TRAP1: variants seen among roughly 807,000 people sequenced by gnomAD.
TRAP1 encodes the protein heat shock protein 75 kDa, mitochondrial.
TRAP1 carries 102 observed loss-of-function variants against 89.1 expected under a neutral mutation model. The ratio of observed to expected loss-of-function variants is 1.15; its 90% confidence interval spans 0.98 to 1.35. The LOEUF is 1.35. TRAP1 is among the 40% of genes most tolerant of loss of function. TRAP1 has a pLI of 0.00. For missense variants in TRAP1, 1,256 were observed against 945.3 expected (o/e 1.33, Z -4.31); for synonymous variants, 508 against 388.0 (o/e 1.31, Z -3.64).
At chr16:3,683,052 C>T (rs1188068647) in intron 4 of TRAP1, among the ~76,000 whole-genome samples, 1 of 151,906 alleles carries the variant, frequency 6.6e-6, no homozygotes, top group African/African-American at 2.4e-5. Context: ...CCTGTAATCC[C>T]AGCTACTCGA....
At position 3,664,464 on chromosome 16, in the gene TRAP1, A is replaced by T; in HGVS notation, c.1384-5T>A. ...CAGCAGCTTTGCTATGTCCTCCTAG[A>T]AGGGACGGGGCAGGTCACCACTTAT... On this transcript the variant is annotated splice_polypyrimidine_tract_variant and splice_region_variant and intron_variant, in intron 12 of 17. Coordinates refer to ENST00000246957, the MANE Select transcript of TRAP1 (RefSeq NM_016292.3). The T allele has an allele frequency of 6.2e-7, 1 of 1,607,446 alleles. No individual in the cohort carries two copies. The highest frequency in any genetic ancestry group is 1.7e-5 in the Admixed American group (1 of 58,706).
intron 1 of TRAP1, among the ~76,000 whole-genome samples, chr16:3,699,137 A>C (rs2051330840): frequency 6.6e-6 from 1 of 151,636 alleles, no homozygotes; most frequent in Admixed American, 6.6e-5. Context: ...TCCACCCCCC[A>C]CATCCCTACC....
At chr16:3,680,591 C>T (rs150239995) in intron 4 of TRAP1, among the ~76,000 whole-genome samples, 1 of 152,252 alleles carries the variant, frequency 6.6e-6, no homozygotes, top group Non-Finnish European at 1.5e-5. Context: ...GCCTCTCCTG[C>T]GGGAAGGCAG....
intron 10 of TRAP1, among the ~76,000 whole-genome samples, chr16:3,672,258 G>A (rs2050924044): frequency 6.6e-6 from 1 of 152,108 alleles, no homozygotes; most frequent in African/African-American, 2.4e-5. Flanking sequence ...ATCACTTAAG[G>A]AGGTTGCAGT....
intron 2 of TRAP1, 66 bp from the exon 3 acceptor site, chr16:3,689,203 G>A (rs1004314463): frequency 2.0e-5 from 25 of 1,263,808 alleles, no homozygotes; most frequent in East Asian, 7.2e-5. Flanking sequence ...AATACGCTAC[G>A]TCACATTCCA....
chr16:3,707,990 G>A (rs1440547311), intron 1 of TRAP1, among the ~76,000 whole-genome samples: 1 of 152,026 alleles, frequency 6.6e-6, no homozygotes, highest in African/African-American at 2.4e-5. Context: ...TTCAAGACAA[G>A]CCGGGGCAAT....
chr16:3,702,958 C>G (rs954005620), intron 1 of TRAP1, among the ~76,000 whole-genome samples: 1 of 145,274 alleles, frequency 6.9e-6, no homozygotes, highest in African/African-American at 2.6e-5. Flanking sequence ...AGGAGAATCG[C>G]TTGAACCCAG....
At chr16:3,662,528 C>G (rs116535324) in intron 15 of TRAP1, 99 of 531,846 alleles carry the variant, frequency 1.9e-4, no homozygotes, top group African/African-American at 1.6e-3. Flanking sequence ...ACCCAAAACC[C>G]CCGACTAAGC....
chr16:3,667,211 G>A (rs79452396), intron 11 of TRAP1, among the ~76,000 whole-genome samples: 218 of 152,296 alleles, frequency 1.4e-3, no homozygotes, highest in Non-Finnish European at 2.6e-3. Context: ...GGCTGGGGGC[G>A]TGACCAGCCC....
rs564047678 is a variant in TRAP1 at position 3,677,922 on chromosome 16, G to A, written c.544-264C>T. 1.2e-5 allele frequency: 5 copies of A among 420,918 alleles called. No homozygotes were observed. In the South Asian group the frequency reaches 1.4e-4, roughly 12 times the overall value. 26.1% of individuals were successfully genotyped at this position (420,918 alleles called of 1,614,324 possible). On this transcript the variant is annotated intron_variant, in intron 5 of 17. Coordinates refer to ENST00000246957, the MANE Select transcript of TRAP1 (RefSeq NM_016292.3). ...TCACAGTCCTGCCTGTCCCAGACAG[G>A]TGGAGGCCTGTGGGTCACACCTGGG...
intron 5 of TRAP1, among the ~76,000 whole-genome samples, chr16:3,679,330 A>G (rs571907348): frequency 6.6e-6 from 1 of 152,276 alleles, no homozygotes; most frequent in Admixed American, 6.5e-5. Flanking sequence ...AAAAAACAAC[A>G]CAATGATAAA....
intron 1 of TRAP1, among the ~76,000 whole-genome samples, chr16:3,703,823 G>A (rs559563609): frequency 2.0e-5 from 3 of 151,046 alleles, no homozygotes; most frequent in Admixed American, 6.6e-5. Flanking sequence ...AGATCATCCT[G>A]GCTAACACGG....
intron 1 of TRAP1, among the ~76,000 whole-genome samples, chr16:3,707,565 G>A (rs1055119328): frequency 6.6e-6 from 1 of 151,380 alleles, no homozygotes; most frequent in African/African-American, 2.4e-5. Flanking sequence ...TAAGTCAAAA[G>A]ACAAACACCC....
intron 1 of TRAP1, among the ~76,000 whole-genome samples, chr16:3,696,835 T>A (rs557772234): frequency 1.3e-5 from 2 of 151,958 alleles, no homozygotes; most frequent in African/African-American, 4.8e-5. Context: ...CAAGTGATCC[T>A]CCCACCTCAA....
rs372562851 is a variant in TRAP1, at chr16:3,664,410, C to T, written c.1433G>A (p.Gly478Glu). 3 of 1,612,230 alleles carry T rather than the reference C, an allele frequency of 1.9e-6. No individual in the cohort carries two copies. Among genetic ancestry groups the T allele is most frequent in the Non-Finnish European group, 2.5e-6 (3 of 1,179,384 alleles). The change falls in exon 13 of 18, where the codon GGG (glycine) becomes GAG (glutamate). Residue 478 changes from glycine (G) to glutamate (E), a missense_variant. Coordinates refer to ENST00000246957, the MANE Select transcript of TRAP1 (RefSeq NM_016292.3). ...GTATTCTGAGAGGCTGGTTAGCTGCCCGGAGGGCAGCGCCGAGGACTCGTA... is the reference window on the plus strand; with the variant it reads ...GTATTCTGAGAGGCTGGTTAGCTGCTCGGAGGGCAGCGCCGAGGACTCGTA... ...LRYESSALPS[G>E]QLTSLSEYAS...
chr16:3,683,631 C>T (rs934841998), intron 4 of TRAP1, among the ~76,000 whole-genome samples: 1 of 151,736 alleles, frequency 6.6e-6, no homozygotes, highest in Non-Finnish European at 1.5e-5. Context: ...GGTGATCCGC[C>T]CACCTTGGCC....
At chr16:3,696,626 G>A (rs989179051) in intron 1 of TRAP1, among the ~76,000 whole-genome samples, 1 of 152,156 alleles carries the variant, frequency 6.6e-6, no homozygotes, top group Non-Finnish European at 1.5e-5. Context: ...CACAATCACA[G>A]CTCACTGCAG....
chr16:3,674,685 AGGCTCTGG>A, intron 8 of TRAP1, 191 bp from the exon 9 acceptor site: 1 of 661,462 alleles, frequency 1.5e-6, no homozygotes. Context: ...GAGACACACA[AGGCTCTGG>A]GGCAGGAGCT....
Position 3,696,657 on chromosome 16 carries a change from G to C in TRAP1, c.89-5672C>G, listed in dbSNP as rs1253092073. ...TGCAGCCTCGACCTTCCCGGGCTCAGGTGATCCTCCCACCTCAGCCTCCTG... is the reference window on the plus strand; with the variant it reads ...TGCAGCCTCGACCTTCCCGGGCTCACGTGATCCTCCCACCTCAGCCTCCTG... On this transcript the variant is annotated intron_variant, in intron 1 of 17. Coordinates refer to ENST00000246957, the MANE Select transcript of TRAP1 (RefSeq NM_016292.3). Among the ~76,000 whole-genome samples, 3 of 152,032 alleles carry C rather than the reference G, an allele frequency of 2.0e-5. No homozygotes were observed. The East Asian group carries it at 5.8e-4, about 29-fold the overall frequency.
Sources: allele counts gnomAD v4.1 joint callset (sites outside exome capture counted in the v4.1 genomes callset), GRCh38; gene constraint gnomAD v4.1.1; transcripts MANE v1.5; gene names NCBI Gene and HGNC (gene_info 2026-07-23, HGNC 2026-07-21).